Variants in TFEC observed in about 807,000 individuals in gnomAD.
TFEC encodes transcription factor EC, also known as class E basic helix-loop-helix protein 34.
A neutral mutation model predicts 41.6 loss-of-function variants in TFEC; 31 were observed. That is an observed-to-expected ratio of 0.74 (90% CI 0.56 to 1.01). TFEC has a LOEUF of 1.01. TFEC is among the 50% of genes least tolerant of loss of function. The pLI is 0.00. For missense variants in TFEC, 402 were observed against 404.1 expected (o/e 0.99, Z 0.04); for synonymous variants, 143 against 140.6 (o/e 1.02, Z -0.12).
chr7:116,139,536 G>C (rs1453472828), intron 1 of TFEC, among the ~76,000 whole-genome samples: 1 of 152,146 alleles, frequency 6.6e-6, no homozygotes, highest in South Asian at 2.1e-4. Context: ...GCCAAGAATG[G>C]AGGTAATGTA....
chr7:115,946,589 C>T (rs1254715526), intron 6 of TFEC, among the ~76,000 whole-genome samples: 1 of 145,338 alleles, frequency 6.9e-6, no homozygotes, highest in African/African-American at 2.5e-5. Flanking sequence ...CTTGCTCTTT[C>T]CTTCTTTCTT....
At chr7:116,118,506 T>G (rs568072599) in intron 1 of TFEC, among the ~76,000 whole-genome samples, 1 of 151,856 alleles carries the variant, frequency 6.6e-6, no homozygotes, top group East Asian at 1.9e-4. Flanking sequence ...CATCTTTTCC[T>G]AATGGGGAAA....
chr7:116,041,903 A>G (rs541180889), intron 3 of TFEC, among the ~76,000 whole-genome samples: 1 of 152,240 alleles, frequency 6.6e-6, no homozygotes, highest in African/African-American at 2.4e-5. Context: ...AGTTCCCAAA[A>G]CAAAGGGCGA....
chr7:115,968,304 T>C (rs1792967393), intron 3 of TFEC: 2 of 1,501,440 alleles, frequency 1.3e-6, no homozygotes. Flanking sequence ...TGGAAACTTC[T>C]ACACTAAAGT....
At chr7:116,000,263 C>T (rs1454923194) in intron 1 of TFEC, among the ~76,000 whole-genome samples, 4 of 151,952 alleles carry the variant, frequency 2.6e-5, no homozygotes, top group Non-Finnish European at 2.9e-5. Context: ...ATATTGAACA[C>T]TTCAAGATAA....
chr7:116,065,862 C>A (rs1046019020), intron 3 of TFEC, among the ~76,000 whole-genome samples: 1 of 152,092 alleles, frequency 6.6e-6, no homozygotes, highest in African/African-American at 2.4e-5. Context: ...AGATTGCCCT[C>A]TGCAGCAGAA....
At chr7:116,064,240 C>T (rs1039515408) in intron 3 of TFEC, among the ~76,000 whole-genome samples, 1 of 151,438 alleles carries the variant, frequency 6.6e-6, no homozygotes, top group Non-Finnish European at 1.5e-5. Flanking sequence ...GTTCTCACCA[C>T]GAAAAAGTAT....
At chr7:116,137,889 A>G (rs1460108949) in intron 1 of TFEC, among the ~76,000 whole-genome samples, 1 of 151,238 alleles carries the variant, frequency 6.6e-6, no homozygotes, top group East Asian at 1.9e-4. Context: ...AATATTAATA[A>G]ATAAATAATT....
chr7:116,047,065 T>C (rs971844731), intron 3 of TFEC, among the ~76,000 whole-genome samples: 6 of 152,168 alleles, frequency 3.9e-5, no homozygotes, highest in Non-Finnish European at 7.3e-5. Context: ...GATGGCCGAA[T>C]AGGAACAGCT....
intron 3 of TFEC, among the ~76,000 whole-genome samples, chr7:116,047,189 G>GT (rs1796186692): frequency 6.6e-6 from 1 of 151,958 alleles, no homozygotes; most frequent in Non-Finnish European, 1.5e-5. Context: ...GTAGCCCATG[G>GT]AGCAGGGCGG....
chr7:115,957,756 A>G (rs1792312140), intron 3 of TFEC, among the ~76,000 whole-genome samples: 1 of 151,914 alleles, frequency 6.6e-6, no homozygotes, highest in East Asian at 1.9e-4. Context: ...TAAAACATAT[A>G]ATAAAACAAT....
intron 2 of TFEC, among the ~76,000 whole-genome samples, chr7:115,980,394 C>T (rs1793572465): frequency 6.6e-6 from 1 of 152,146 alleles, no homozygotes; most frequent in South Asian, 2.1e-4. Flanking sequence ...CAGAGAACTA[C>T]AACAGCCTCT....
At chr7:116,001,302 T>A (rs185717129) in intron 1 of TFEC, among the ~76,000 whole-genome samples, 121 of 151,750 alleles carry the variant, frequency 8.0e-4, no homozygotes, top group African/African-American at 2.8e-3. Context: ...AAAAATCAAA[T>A]CAAAATGGAT....
chr7:116,156,692 C>T (rs537479583), intron 1 of TFEC, among the ~76,000 whole-genome samples: 1 of 152,228 alleles, frequency 6.6e-6, no homozygotes, highest in Admixed American at 6.5e-5. Flanking sequence ...ACAAATATGC[C>T]ATCTTCCATA....
At chr7:115,968,625 C>G (rs1019758622) in intron 3 of TFEC, among the ~76,000 whole-genome samples, 4 of 151,880 alleles carry the variant, frequency 2.6e-5, no homozygotes, top group Non-Finnish European at 5.9e-5. Flanking sequence ...AAATAATACA[C>G]AGATCTAAAC....
At chr7:115,998,048 G>A (rs1252919577) in intron 1 of TFEC, among the ~76,000 whole-genome samples, 2 of 152,006 alleles carry the variant, frequency 1.3e-5, no homozygotes, top group African/African-American at 4.8e-5. Context: ...ATTCAAATGG[G>A]TAATAACACA....
At chr7:115,947,993 C>T (rs1284412950) in intron 6 of TFEC, among the ~76,000 whole-genome samples, 1 of 151,962 alleles carries the variant, frequency 6.6e-6, no homozygotes, top group Non-Finnish European at 1.5e-5. Flanking sequence ...CAAATAGATG[C>T]AATAAGAAAT....
At chr7:115,957,987 C>A (rs1792324558) in intron 3 of TFEC, among the ~76,000 whole-genome samples, 1 of 151,924 alleles carries the variant, frequency 6.6e-6, no homozygotes, top group South Asian at 2.1e-4. Flanking sequence ...GAAATCACGT[C>A]AGTTTATATG....
chr7:115,958,811 G>T (rs1044934327), intron 3 of TFEC, among the ~76,000 whole-genome samples: 2 of 151,698 alleles, frequency 1.3e-5, no homozygotes, highest in African/African-American at 4.8e-5. Flanking sequence ...TTATGCTATA[G>T]GTACTTCTCT....
Sources: gnomAD v4.1 joint callset for allele counts (sites outside exome capture counted in the v4.1 genomes callset) on GRCh38, gnomAD v4.1.1 for gene constraint, MANE v1.5 for transcripts, NCBI Gene and HGNC (gene_info 2026-07-23, HGNC 2026-07-21) for gene names.